The following TRIO variants were observed in gnomAD, a reference collection of about 807,000 sequenced individuals.
TRIO encodes triple functional domain protein.
In TRIO, 58 loss-of-function variants were observed where a neutral mutation model predicts 351.9. The observed-to-expected ratio is 0.16, with a 90% CI of 0.13 to 0.21. The LOEUF (loss-of-function observed/expected upper bound fraction) is 0.21, where lower values mean the gene tolerates loss of function less well. Ranked by LOEUF, TRIO falls within the 10% of genes least tolerant of loss-of-function variation. The pLI, the probability that TRIO is intolerant of heterozygous loss-of-function variation, is 1.00. For missense variants in TRIO, 3,201 were observed against 4,027.8 expected, an observed-to-expected ratio of 0.79 and a Z score of 5.56; for synonymous variants, 1,758 against 1,595.7, an observed-to-expected ratio of 1.10 and a Z score of -2.42.
At chr5:14,163,497 C>T (rs527843217) in intron 1 of TRIO, among the ~76,000 whole-genome samples, 1 of 152,174 alleles carries the variant, frequency 6.6e-6, no homozygotes, top group Non-Finnish European at 1.5e-5. Context: ...AGCCACCAGG[C>T]CTGGCCAACT....
intron 1 of TRIO, among the ~76,000 whole-genome samples, chr5:14,236,329 A>ACC (rs1295155818): frequency 1.3e-5 from 2 of 152,188 alleles, no homozygotes; most frequent in Admixed American, 6.5e-5. Flanking sequence ...TTAAATCTTA[A>ACC]ATGTTCCTTT....
intron 1 of TRIO, among the ~76,000 whole-genome samples, chr5:14,166,063 C>T (rs1454339147): frequency 6.6e-6 from 1 of 152,212 alleles, no homozygotes; most frequent in Non-Finnish European, 1.5e-5. Context: ...TCACTCATGG[C>T]CATTGCCCAT....
chr5:14,454,841 T>G (rs566827204), intron 34 of TRIO, among the ~76,000 whole-genome samples: 1 of 152,320 alleles, frequency 6.6e-6, no homozygotes, highest in African/African-American at 2.4e-5. Context: ...TTAAAGATGG[T>G]GTGTCCGGAG....
chr5:14,507,524 C>T (rs1192854701), intron 56 of TRIO, among the ~76,000 whole-genome samples: 1 of 152,168 alleles, frequency 6.6e-6, no homozygotes, highest in African/African-American at 2.4e-5. Flanking sequence ...TGAGTTTTGC[C>T]CGGTGGGTGT....
At position 14,484,672 on chromosome 5, in the gene TRIO, T is replaced by C. The variant is rs1302279099; in HGVS notation, c.6658-397T>C. ...ACCTAGCTCCATGGGATTAAGAACA[T>C]TCATGTTTTGCAGCCATCACCATCA... On this transcript the variant is annotated intron_variant, in intron 46 of 56. Coordinates refer to ENST00000344204, the MANE Select transcript of TRIO (RefSeq NM_007118.4). Among the ~76,000 whole-genome samples, 3 of 152,172 alleles carry C rather than the reference T, an allele frequency of 2.0e-5. No individual in the cohort carries two copies. In the East Asian group the frequency reaches 5.8e-4, roughly 29 times the overall value.
At chr5:14,505,695 A>G (rs1458354027) in intron 55 of TRIO, among the ~76,000 whole-genome samples, 1 of 152,154 alleles carries the variant, frequency 6.6e-6, no homozygotes, top group Non-Finnish European at 1.5e-5. Flanking sequence ...ACATGGCCCC[A>G]CATGCAGCCT....
chr5:14,381,290 T>A, intron 21 of TRIO, 38 bp downstream of exon 21: 1 of 1,553,564 alleles, frequency 6.4e-7, no homozygotes, highest in Non-Finnish European at 8.7e-7. Flanking sequence ...GGCCTCTAAG[T>A]CGAAAGCGAG....
chr5:14,202,294 A>ATTTTTT (rs60827656), intron 1 of TRIO, among the ~76,000 whole-genome samples: 3 of 33,534 alleles, frequency 8.9e-5, no homozygotes, highest in Non-Finnish European at 1.2e-4. Flanking sequence ...TATTTTTGTG[A>ATTTTTT]TTTTTTTTTT....
At chr5:14,482,481 C>A in intron 45 of TRIO, 101 bp from the exon 46 acceptor site, 5 of 920,728 alleles carry the variant, frequency 5.4e-6, no homozygotes, top group East Asian at 6.4e-5. Context: ...AAGAAAAATA[C>A]ATTATTCCAT....
intron 1 of TRIO, among the ~76,000 whole-genome samples, chr5:14,241,332 G>A (rs1203478036): frequency 2.0e-5 from 3 of 152,160 alleles, no homozygotes; most frequent in African/African-American, 4.8e-5. Flanking sequence ...CACTGATTTG[G>A]GGAAATGAGG....
At chr5:14,393,964 T>C (rs919295819) in intron 27 of TRIO, 74 bp from the exon 28 acceptor site, 17 of 940,446 alleles carry the variant, frequency 1.8e-5, no homozygotes, top group Non-Finnish European at 2.8e-5. Flanking sequence ...TTTGGAAAAG[T>C]AATGTGTTTT....
intron 43 of TRIO, 82 bp downstream of exon 43, chr5:14,480,093 G>A (rs1423770438): frequency 2.7e-5 from 34 of 1,280,938 alleles, no homozygotes; most frequent in Non-Finnish European, 3.6e-5. Flanking sequence ...AGAAGGATTT[G>A]GTAGGACAGG....
chr5:14,313,827 C>T (rs534822186), intron 8 of TRIO, among the ~76,000 whole-genome samples: 12 of 152,220 alleles, frequency 7.9e-5, no homozygotes, highest in Admixed American at 1.3e-4. Context: ...AGCCCCTAAA[C>T]AGCTTTCCTG....
intron 34 of TRIO, among the ~76,000 whole-genome samples, chr5:14,446,105 C>T (rs1304897018): frequency 6.6e-6 from 1 of 152,234 alleles, no homozygotes; most frequent in African/African-American, 2.4e-5. Flanking sequence ...CATCTCCGCG[C>T]TTGCTTTGTT....
At chr5:14,493,470 A>T (rs72730879) in intron 49 of TRIO, among the ~76,000 whole-genome samples, 5,516 of 152,266 alleles carry the variant, frequency 0.036, 129 homozygotes, top group Middle Eastern at 0.12. Context: ...GTAGTTAGTG[A>T]TGTCTGATGT....
chr5:14,383,058 G>A (rs30788), intron 21 of TRIO, among the ~76,000 whole-genome samples: 2 of 151,940 alleles, frequency 1.3e-5, no homozygotes, highest in Non-Finnish European at 2.9e-5. Flanking sequence ...TCAAGGGATC[G>A]TCTTCAAACT....
At position 14,497,061 on chromosome 5, in the gene TRIO, G is replaced by A. The variant is rs568446476; in HGVS notation, c.8019+44G>A. On this transcript the variant is annotated intron_variant, in intron 50 of 56. Transcript: ENST00000344204. The surrounding 1 kb of genome is among the most constrained non-coding windows in gnomAD (Gnocchi z 4.4). Reference sequence around the variant, plus strand: ...AGGAGTCCGTGTCATCCCAGCATGAGAGAAAGGATCAGGGAGGGCAGAGAC... The same window carrying A: ...AGGAGTCCGTGTCATCCCAGCATGAAAGAAAGGATCAGGGAGGGCAGAGAC... The A allele has an allele frequency of 1.2e-6, 2 of 1,608,006 alleles. No homozygotes were observed. The highest frequency in any genetic ancestry group is 8.5e-7 in the Non-Finnish European group (1 of 1,176,616).
At chr5:14,391,834 G>A (rs1747109467) in intron 27 of TRIO, among the ~76,000 whole-genome samples, 2 of 152,212 alleles carry the variant, frequency 1.3e-5, no homozygotes, top group Non-Finnish European at 2.9e-5. Context: ...TCTTTGAGAT[G>A]AAGCCCTACC....
chr5:14,145,374 A>G (rs1787446122), intron 1 of TRIO, among the ~76,000 whole-genome samples: 1 of 152,140 alleles, frequency 6.6e-6, no homozygotes, highest in Admixed American at 6.5e-5. Context: ...TGGGAGTGAC[A>G]CAGCCGACTG....
Sources: allele counts gnomAD v4.1 joint callset (sites outside exome capture counted in the v4.1 genomes callset), GRCh38; gene constraint gnomAD v4.1.1; non-coding constraint Gnocchi (gnomAD v3.1); transcripts MANE v1.5; gene names NCBI Gene and HGNC (gene_info 2026-07-23, HGNC 2026-07-21).